CSMD1: variants seen among roughly 807,000 people sequenced by gnomAD.
CSMD1 encodes the protein CUB and sushi domain-containing protein 1.
CSMD1 carries 213 observed loss-of-function variants against 417.5 expected under a neutral mutation model. The observed-to-expected ratio is 0.51, with a 90% CI of 0.46 to 0.57. CSMD1 has a LOEUF of 0.57. CSMD1 is among the 20% of genes least tolerant of loss of function. The pLI, the probability that CSMD1 is intolerant of heterozygous loss-of-function variation, is 0.00. For missense variants in CSMD1, 6,923 were observed against 4,529.7 expected, an observed-to-expected ratio of 1.53 and a Z score of -15.17; for synonymous variants, 2,862 against 1,736.8, an observed-to-expected ratio of 1.65 and a Z score of -16.11.
chr8:3,283,830 A>C (rs1542105), intron 26 of CSMD1, among the ~76,000 whole-genome samples: 122,899 of 152,214 alleles, frequency 0.81, 49,855 homozygotes, highest in Admixed American at 0.87. Flanking sequence ...GCACGACTAT[A>C]CATTAAAACA....
intron 2 of CSMD1, among the ~76,000 whole-genome samples, chr8:4,578,169 G>C (rs1292244912): frequency 6.6e-6 from 1 of 151,738 alleles, no homozygotes; most frequent in East Asian, 1.9e-4. Context: ...AGCATTTTTT[G>C]TTCTTTTTTG....
At chr8:4,399,254 C>A (rs1804479716) in intron 3 of CSMD1, among the ~76,000 whole-genome samples, 1 of 152,096 alleles carries the variant, frequency 6.6e-6, no homozygotes, top group Admixed American at 6.6e-5. Flanking sequence ...TGTAATTCCT[C>A]CCCACAAAAA....
chr8:3,905,763 C>T (rs1013524486), intron 5 of CSMD1, among the ~76,000 whole-genome samples: 1 of 152,180 alleles, frequency 6.6e-6, no homozygotes, highest in African/African-American at 2.4e-5. Flanking sequence ...ATGCTCATCA[C>T]CCTAAACCTT....
intron 3 of CSMD1, among the ~76,000 whole-genome samples, chr8:4,066,604 G>T (rs530964895): frequency 6.6e-6 from 1 of 152,146 alleles, no homozygotes; most frequent in South Asian, 2.1e-4. Context: ...ATACCCAGAA[G>T]GGAAATGTAC....
Position 4,203,414 on chromosome 8 carries a change from G to A in CSMD1, c.416-171315C>T, listed in dbSNP as rs368846306. On this transcript the variant is annotated intron_variant, in intron 3 of 69. Coordinates refer to ENST00000635120, the MANE Select transcript of CSMD1 (RefSeq NM_033225.6). Reference sequence around the variant, plus strand: ...TTGTGGTTTCTATGCCACTACATTTGTGGTAATATCTCACAGCAGCCAGAA... The same window carrying A: ...TTGTGGTTTCTATGCCACTACATTTATGGTAATATCTCACAGCAGCCAGAA... 2.4e-4 allele frequency among the ~76,000 whole-genome samples: 37 copies of A among 152,264 alleles called. 1 individual carries two copies. Among genetic ancestry groups the A allele is most frequent in the African/African-American group, 7.5e-4 (31 of 41,560 alleles).
At chr8:3,875,115 A>G (rs942046567) in intron 5 of CSMD1, among the ~76,000 whole-genome samples, 3 of 141,176 alleles carry the variant, frequency 2.1e-5, no homozygotes, top group Non-Finnish European at 3.0e-5. Context: ...GGCTTCAGGA[A>G]CACATTGTGG....
At chr8:4,956,229 C>G (rs978258685) in intron 1 of CSMD1, among the ~76,000 whole-genome samples, 1 of 147,964 alleles carries the variant, frequency 6.8e-6, no homozygotes. Context: ...AACACCTTTA[C>G]AGCCCTCCTT....
At chr8:4,345,475 T>G in intron 3 of CSMD1, among the ~76,000 whole-genome samples, 1 of 151,998 alleles carries the variant, frequency 6.6e-6, no homozygotes, top group South Asian at 2.1e-4. Context: ...TACATCAAAC[T>G]ACAAAGCTTT....
At chr8:4,507,217 T>C (rs1013667011) in intron 2 of CSMD1, among the ~76,000 whole-genome samples, 1 of 152,172 alleles carries the variant, frequency 6.6e-6, no homozygotes, top group African/African-American at 2.4e-5. Flanking sequence ...ATAAAAAACC[T>C]AGATAGTAGA....
In CSMD1 at chr8:3,776,339, G is replaced by T. The variant is rs547250430; in HGVS notation, c.819-22297C>A. Among the ~76,000 whole-genome samples, 18 of 152,198 alleles carry T rather than the reference G, an allele frequency of 1.2e-4. No individual in the cohort carries two copies. The South Asian group carries it at 3.7e-3, about 32-fold the overall frequency. ...ATTAGATCACATTGCACCTTGAAGCGACACTCTCCAGGGGTCACCTGTCTC... is the reference window on the plus strand; with the variant it reads ...ATTAGATCACATTGCACCTTGAAGCTACACTCTCCAGGGGTCACCTGTCTC... On this transcript the variant is annotated intron_variant, in intron 5 of 69. Transcript: ENST00000635120.
At chr8:4,581,465 C>T (rs1799414948) in intron 2 of CSMD1, among the ~76,000 whole-genome samples, 1 of 152,098 alleles carries the variant, frequency 6.6e-6, no homozygotes, top group South Asian at 2.1e-4. Flanking sequence ...ATTTTGAAAA[C>T]TGTTTTTGAA....
chr8:3,408,942 C>A (rs1018205488), intron 13 of CSMD1, among the ~76,000 whole-genome samples: 1 of 152,116 alleles, frequency 6.6e-6, no homozygotes, highest in Non-Finnish European at 1.5e-5. Context: ...CCTTTAAAAT[C>A]GACTGTGAAG....
At chr8:4,453,107 G>T (rs531341411) in intron 2 of CSMD1, among the ~76,000 whole-genome samples, 5 of 151,990 alleles carry the variant, frequency 3.3e-5, no homozygotes, top group African/African-American at 1.2e-4. Flanking sequence ...GGGAGCCAAT[G>T]ATTCGGAATT....
chr8:3,963,913 C>T (rs1585042822), intron 5 of CSMD1, among the ~76,000 whole-genome samples: 1 of 152,148 alleles, frequency 6.6e-6, no homozygotes, highest in African/African-American at 2.4e-5. Context: ...CTCATTGTAT[C>T]CCAAATTTCC....
At chr8:3,193,399 A>G (rs927112001) in intron 33 of CSMD1, among the ~76,000 whole-genome samples, 3 of 152,174 alleles carry the variant, frequency 2.0e-5, no homozygotes, top group African/African-American at 7.2e-5. Flanking sequence ...GACTTGAGAC[A>G]GTAGGATAGG....
At chr8:3,889,226 A>T (rs552893118) in intron 5 of CSMD1, among the ~76,000 whole-genome samples, 3 of 151,914 alleles carry the variant, frequency 2.0e-5, no homozygotes, top group Non-Finnish European at 2.9e-5. Flanking sequence ...TAATTAATCA[A>T]ATTTAATAAT....
intron 3 of CSMD1, among the ~76,000 whole-genome samples, chr8:4,217,692 C>A (rs1390753724): frequency 6.6e-6 from 1 of 151,550 alleles, no homozygotes; most frequent in South Asian, 2.1e-4. Context: ...ATTTTGTTGT[C>A]TGAATTTAAA....
intron 39 of CSMD1, among the ~76,000 whole-genome samples, chr8:3,157,645 G>A (rs1002291530): frequency 1.1e-4 from 16 of 152,222 alleles, no homozygotes; most frequent in African/African-American, 3.9e-4. Context: ...GTGCAGGGCC[G>A]TGAGCGGGCA....
intron 5 of CSMD1, among the ~76,000 whole-genome samples, chr8:3,815,504 A>C (rs4532615): frequency 6.6e-6 from 1 of 151,968 alleles, no homozygotes. Context: ...AATATGTGTA[A>C]GACTATGTTT....
Sources: allele counts gnomAD v4.1 joint callset (sites outside exome capture counted in the v4.1 genomes callset), GRCh38; gene constraint gnomAD v4.1.1; transcripts MANE v1.5; gene names NCBI Gene and HGNC (gene_info 2026-07-23, HGNC 2026-07-21).